The following BTBD9 variants were observed in gnomAD, a reference collection of about 807,000 sequenced individuals.
BTBD9 encodes BTB domain containing 9, also known as BTB/POZ domain-containing protein 9.
In BTBD9, 49 loss-of-function variants were observed where a neutral mutation model predicts 64.3. That is an observed-to-expected ratio of 0.76 (90% CI 0.61 to 0.97). The LOEUF (loss-of-function observed/expected upper bound fraction) is 0.97. Ranked by LOEUF, BTBD9 falls within the 50% of genes least tolerant of loss-of-function variation. The pLI is 0.00. For synonymous variants in BTBD9, 260 were observed against 274.7 expected, an observed-to-expected ratio of 0.95 and a Z score of 0.53; for missense variants, 598 against 762.1, an observed-to-expected ratio of 0.78 and a Z score of 2.53.
chr6:38,361,361 T>C (rs973472761), intron 6 of BTBD9, among the ~76,000 whole-genome samples: 2 of 151,396 alleles, frequency 1.3e-5, no homozygotes, highest in Admixed American at 6.6e-5. Flanking sequence ...CTGGGTAACA[T>C]AGCAAGACCC....
chr6:38,240,674 G>GT (rs1763962425), intron 9 of BTBD9, among the ~76,000 whole-genome samples: 1 of 152,138 alleles, frequency 6.6e-6, no homozygotes, highest in African/African-American at 2.4e-5. Flanking sequence ...TAATATTAAT[G>GT]TAAGAACACC....
intron 6 of BTBD9, among the ~76,000 whole-genome samples, chr6:38,474,213 G>A (rs1219565168): frequency 6.6e-6 from 1 of 152,126 alleles, no homozygotes; most frequent in Non-Finnish European, 1.5e-5. Flanking sequence ...TAGTTATGGG[G>A]CTATTGCAGT....
In BTBD9 at chr6:38,168,780, C is replaced by G. The variant is rs1195632742; in HGVS notation, c.*6205G>C. ...CGCCAAAGGCTGGGAGGCTCTTGTT[C>G]TCTGGTGAATCCGGATTCAAGACAG... On this transcript the variant is annotated 3_prime_UTR_variant, in exon 11 of 11. Coordinates refer to ENST00000481247, the MANE Select transcript of BTBD9 (RefSeq NM_001099272.2). 2.0e-5 allele frequency: 3 copies of G among 152,256 alleles called. No individual in the cohort carries two copies. The highest frequency in any genetic ancestry group is 7.2e-5 in the African/African-American group (3 of 41,448). The allele number at this position is 152,256 out of a possible 1,614,324, so 9.4% of individuals were successfully genotyped here.
chr6:38,555,780 C>T (rs1397294470), intron 6 of BTBD9, among the ~76,000 whole-genome samples: 1 of 152,310 alleles, frequency 6.6e-6, no homozygotes, highest in East Asian at 1.9e-4. Context: ...ATTTTATTTG[C>T]CAATGGCTTC....
chr6:38,598,529 C>T (rs939832521), intron 1 of BTBD9, among the ~76,000 whole-genome samples: 9 of 152,192 alleles, frequency 5.9e-5, no homozygotes, highest in East Asian at 3.9e-4. Flanking sequence ...ATTCAGGCAC[C>T]GATCTAGGCC....
intron 6 of BTBD9, among the ~76,000 whole-genome samples, chr6:38,563,364 C>T (rs1775334423): frequency 6.6e-6 from 1 of 152,142 alleles, no homozygotes; most frequent in South Asian, 2.1e-4. Flanking sequence ...CAAATCCACT[C>T]GTTTCTCTCT....
At chr6:38,474,761 T>G (rs561777093) in intron 6 of BTBD9, among the ~76,000 whole-genome samples, 27 of 152,242 alleles carry the variant, frequency 1.8e-4, no homozygotes, top group African/African-American at 5.8e-4. Flanking sequence ...TAAACATAAT[T>G]ACATTCATTT....
intron 6 of BTBD9, among the ~76,000 whole-genome samples, chr6:38,497,048 CA>C (rs1481818739): frequency 2.6e-5 from 4 of 152,092 alleles, no homozygotes; most frequent in African/African-American, 7.2e-5. Flanking sequence ...ACCTTTTTCT[CA>C]AAAGACAAAT....
chr6:38,506,859 C>T (rs1294832843), intron 6 of BTBD9, among the ~76,000 whole-genome samples: 1 of 152,164 alleles, frequency 6.6e-6, no homozygotes, highest in Non-Finnish European at 1.5e-5. Context: ...CAAATTAATA[C>T]CATGGCATAA....
At chr6:38,622,739 T>G (rs1442254305) in intron 1 of BTBD9, among the ~76,000 whole-genome samples, 1 of 152,164 alleles carries the variant, frequency 6.6e-6, no homozygotes, top group Non-Finnish European at 1.5e-5. Context: ...TACTATCCCA[T>G]CAGTGTAATT....
At chr6:38,507,769 T>G (rs1279211565) in intron 6 of BTBD9, among the ~76,000 whole-genome samples, 1 of 151,642 alleles carries the variant, frequency 6.6e-6, no homozygotes, top group East Asian at 1.9e-4. Context: ...ATATACACAC[T>G]AAATCATCTC....
intron 6 of BTBD9, among the ~76,000 whole-genome samples, chr6:38,449,612 A>T (rs1241059365): frequency 6.6e-6 from 1 of 152,196 alleles, no homozygotes; most frequent in East Asian, 1.9e-4. Context: ...ACCATATATA[A>T]AAATAAACTC....
chr6:38,344,924 C>T lies in BTBD9; in HGVS notation c.1264+60G>A, dbSNP rs75134012. 1.6e-3 allele frequency: 1,757 copies of T among 1,124,064 alleles called. 16 individuals are homozygous for T. The African/African-American group carries it at 0.025, about 16-fold the overall frequency. The allele number at this position is 1,124,064 out of a possible 1,614,324, so 69.6% of individuals were successfully genotyped here. A position where few individuals can be genotyped will look rare whatever the true frequency, so the allele number is the denominator to read the frequency against. On this transcript the variant is annotated intron_variant, in intron 7 of 10. Transcript: ENST00000481247. ...TGATTAAGATAAGTTAAGAGAGTAA[C>T]AAAGTATTTGAAGATAAAATATCCA...
chr6:38,345,331 G>A (rs991346109), intron 6 of BTBD9, among the ~76,000 whole-genome samples: 1 of 152,200 alleles, frequency 6.6e-6, no homozygotes, highest in African/African-American at 2.4e-5. Flanking sequence ...GTAGAACTTA[G>A]ATTTGATTTA....
At chr6:38,238,435 T>C (rs183903139) in intron 9 of BTBD9, among the ~76,000 whole-genome samples, 70 of 151,988 alleles carry the variant, frequency 4.6e-4, no homozygotes, top group Admixed American at 1.8e-3. Flanking sequence ...CAGAAAGGAA[T>C]GTATGCTTTA....
chr6:38,171,406 T>A lies in BTBD9; in HGVS notation c.*3579A>T, dbSNP rs371094443. 1 of 152,310 alleles carries A rather than the reference T, an allele frequency of 6.6e-6. No individual in the cohort carries two copies. Among genetic ancestry groups the A allele is most frequent in the East Asian group, 1.9e-4 (1 of 5,184 alleles). 9.4% of individuals were successfully genotyped at this position (152,310 alleles called of 1,614,324 possible). The stretch of plus-strand genomic sequence containing the variant: ...TAGGAATAAAACACTTTTAATGTAT[T>A]TGTCAGGAATCGACACTTCATTTAA... On this transcript the variant is annotated 3_prime_UTR_variant, in exon 11 of 11. Transcript: ENST00000481247.
chr6:38,418,853 T>C (rs1767787594), intron 6 of BTBD9, among the ~76,000 whole-genome samples: 1 of 152,162 alleles, frequency 6.6e-6, no homozygotes, highest in Non-Finnish European at 1.5e-5. Flanking sequence ...CGCGTGCCTA[T>C]AGTCCCAGCA....
chr6:38,348,760 T>C (rs1276292200), intron 6 of BTBD9, among the ~76,000 whole-genome samples: 3 of 152,098 alleles, frequency 2.0e-5, no homozygotes, highest in Non-Finnish European at 4.4e-5. Flanking sequence ...TCTTCTTTAA[T>C]AAAATAAAAC....
intron 9 of BTBD9, among the ~76,000 whole-genome samples, chr6:38,246,895 C>A (rs1415601820): frequency 6.6e-6 from 1 of 152,126 alleles, no homozygotes; most frequent in Non-Finnish European, 1.5e-5. Flanking sequence ...GAAACTAACA[C>A]GTCACCCAAC....
Sources: gnomAD v4.1 joint callset for allele counts (sites outside exome capture counted in the v4.1 genomes callset) on GRCh38, gnomAD v4.1.1 for gene constraint, MANE v1.5 for transcripts, NCBI Gene and HGNC (gene_info 2026-07-23, HGNC 2026-07-21) for gene names.